Variants in MAPKAP1 observed in about 807,000 individuals in gnomAD.
The protein encoded by MAPKAP1 is MAPK associated protein 1.
In MAPKAP1, 20 loss-of-function variants were observed where a neutral mutation model predicts 65.7. That is an observed-to-expected ratio of 0.30 (90% CI 0.21 to 0.44). The LOEUF (loss-of-function observed/expected upper bound fraction) is 0.44, where lower values mean the gene tolerates loss of function less well. Ranked by LOEUF, MAPKAP1 falls within the 20% of genes least tolerant of loss-of-function variation. The pLI is 1.00. For synonymous variants in MAPKAP1, 222 were observed against 244.3 expected, an observed-to-expected ratio of 0.91 and a Z score of 0.85; for missense variants, 423 against 648.0, an observed-to-expected ratio of 0.65 and a Z score of 3.77.
intron 3 of MAPKAP1, among the ~76,000 whole-genome samples, chr9:125,662,073 T>G (rs1363976508): frequency 1.3e-5 from 2 of 152,144 alleles, no homozygotes; most frequent in African/African-American, 4.8e-5. Context: ...AATCGGATAT[T>G]TAATAATATT....
chr9:125,663,184 A>G (rs921664894), intron 3 of MAPKAP1, among the ~76,000 whole-genome samples: 1 of 152,122 alleles, frequency 6.6e-6, no homozygotes, highest in African/African-American at 2.4e-5. Flanking sequence ...ATAACTAGGA[A>G]CCCCACTACT....
chr9:125,686,928 G>A (rs1385336997), intron 1 of MAPKAP1, among the ~76,000 whole-genome samples: 1 of 151,646 alleles, frequency 6.6e-6, no homozygotes, highest in African/African-American at 2.4e-5. Flanking sequence ...CCACGTTCAA[G>A]TGATTCTCCT....
chr9:125,698,296 T>TA (rs1216042883), intron 1 of MAPKAP1, among the ~76,000 whole-genome samples: 1 of 10,064 alleles, frequency 9.9e-5, no homozygotes, highest in African/African-American at 4.3e-4. Flanking sequence ...TAAATATATA[T>TA]ATATATATAT....
chr9:125,593,601 G>A (rs190062449), intron 4 of MAPKAP1, among the ~76,000 whole-genome samples: 2 of 152,144 alleles, frequency 1.3e-5, no homozygotes, highest in East Asian at 3.9e-4. Flanking sequence ...GGCAGAGGTT[G>A]CAGTGAGTAG....
Position 125,506,121 on chromosome 9 carries a change from C to T in MAPKAP1, c.1066+189G>A. On this transcript the variant is annotated intron_variant, in intron 8 of 11. Transcript: ENST00000265960. ...GAGTGCTAAACAGGATGCAGCCTCTCTACCAAAAAGCACAAAATCAATCAT... is the reference window on the plus strand; with the variant it reads ...GAGTGCTAAACAGGATGCAGCCTCTTTACCAAAAAGCACAAAATCAATCAT... 4 of 634,186 alleles carry T rather than the reference C, an allele frequency of 6.3e-6. No homozygotes were observed. The South Asian group carries it at 7.1e-5, about 11-fold the overall frequency. The allele number at this position is 634,186 out of a possible 1,614,324, so 39.3% of individuals were successfully genotyped here.
At chr9:125,652,401 G>T in intron 4 of MAPKAP1, 1 of 453,558 alleles carries the variant, frequency 2.2e-6, no homozygotes, top group Non-Finnish European at 3.0e-6. Context: ...TATTTCCCCT[G>T]ATACATTTTA....
intron 5 of MAPKAP1, chr9:125,565,741 CAAAAAAA>C (rs71374275): frequency 2.5e-3 from 375 of 147,984 alleles, no homozygotes; most frequent in Non-Finnish European, 3.2e-3. Context: ...TTCTCTCCTG[CAAAAAAA>C]AAAAAAAAAA....
chr9:125,505,569 A>C (rs1040624585), intron 8 of MAPKAP1, among the ~76,000 whole-genome samples: 3 of 152,252 alleles, frequency 2.0e-5, no homozygotes, highest in Non-Finnish European at 4.4e-5. Context: ...GACTCAAACG[A>C]GAGGTGGATC....
At chr9:125,508,904 A>T (rs1321417705) in intron 7 of MAPKAP1, among the ~76,000 whole-genome samples, 2 of 152,228 alleles carry the variant, frequency 1.3e-5, no homozygotes, top group African/African-American at 4.8e-5. Context: ...ATTAAATAAA[A>T]TATTATGAAA....
chr9:125,604,702 C>T (rs1445263766), intron 4 of MAPKAP1, among the ~76,000 whole-genome samples: 1 of 152,116 alleles, frequency 6.6e-6, no homozygotes, highest in Non-Finnish European at 1.5e-5. Context: ...AATTTATCTC[C>T]CAATAGTATT....
intron 4 of MAPKAP1, among the ~76,000 whole-genome samples, chr9:125,586,367 A>C (rs1379512440): frequency 6.6e-6 from 1 of 152,134 alleles, no homozygotes; most frequent in Non-Finnish European, 1.5e-5. Flanking sequence ...TGCCCTCAAG[A>C]GCTGCTGCGC....
chr9:125,524,293 G>C (rs1187269550), intron 7 of MAPKAP1, among the ~76,000 whole-genome samples: 2 of 152,170 alleles, frequency 1.3e-5, no homozygotes, highest in Admixed American at 6.5e-5. Flanking sequence ...TCTAAGCACT[G>C]GTTCCTTATC....
intron 9 of MAPKAP1, among the ~76,000 whole-genome samples, chr9:125,469,699 A>AT (rs1853825715): frequency 6.6e-6 from 1 of 152,202 alleles, no homozygotes; most frequent in African/African-American, 2.4e-5. Context: ...CAGGAACACC[A>AT]TATTTCAATT....
intron 8 of MAPKAP1, among the ~76,000 whole-genome samples, chr9:125,499,230 A>G (rs993264414): frequency 6.6e-5 from 10 of 152,324 alleles, no homozygotes; most frequent in African/African-American, 2.4e-4. Flanking sequence ...GGCTTTAAGG[A>G]TAGGGAGGCT....
intron 4 of MAPKAP1, among the ~76,000 whole-genome samples, chr9:125,657,321 A>G (rs1588045251): frequency 6.6e-6 from 1 of 151,924 alleles, no homozygotes; most frequent in African/African-American, 2.4e-5. Context: ...AAACATATGT[A>G]TATACATATA....
intron 11 of MAPKAP1, among the ~76,000 whole-genome samples, chr9:125,443,265 G>A (rs989028887): frequency 2.0e-5 from 3 of 152,176 alleles, no homozygotes; most frequent in African/African-American, 7.2e-5. Flanking sequence ...TACTCTAGCA[G>A]CCCTGGTGGG....
intron 7 of MAPKAP1, among the ~76,000 whole-genome samples, chr9:125,542,592 CT>C (rs199648744): frequency 1.9e-3 from 283 of 148,616 alleles, no homozygotes; most frequent in Non-Finnish European, 3.2e-3. Flanking sequence ...TTTTATTCGT[CT>C]TTTTTTTTTA....
intron 7 of MAPKAP1, among the ~76,000 whole-genome samples, chr9:125,511,168 CATCATCAT>C (rs1829289369): frequency 1.5e-4 from 6 of 41,320 alleles, no homozygotes; most frequent in African/African-American, 5.4e-4. Flanking sequence ...TCATCACCAT[CATCATCAT>C]CATCATCATC....
chr9:125,506,095 A>C, intron 8 of MAPKAP1: 1 of 582,772 alleles, frequency 1.7e-6, no homozygotes, highest in South Asian at 2.0e-5. Context: ...TATTAATCAC[A>C]GAGTGCTAAA....
Sources: allele counts gnomAD v4.1 joint callset (sites outside exome capture counted in the v4.1 genomes callset), GRCh38; gene constraint gnomAD v4.1.1; transcripts MANE v1.5; gene names NCBI Gene and HGNC (gene_info 2026-07-23, HGNC 2026-07-21).